Variants in RP1 observed in about 807,000 individuals in gnomAD.
RP1 encodes RP1 axonemal microtubule associated, also known as oxygen-regulated protein 1.
In RP1, 16 loss-of-function variants were observed where a neutral mutation model predicts 14.8. The observed-to-expected ratio is 1.08, with a 90% CI of 0.73 to 1.65. RP1 has a LOEUF of 1.65. Among genes scored for constraint, RP1 ranks in the 40% most tolerant of loss-of-function variants. RP1 has a pLI of 0.00. For missense variants in RP1, 2,631 were observed against 2,535.0 expected, an observed-to-expected ratio of 1.04 and a Z score of -0.81; for synonymous variants, 876 against 883.6, an observed-to-expected ratio of 0.99 and a Z score of 0.15.
Position 54,749,405 on chromosome 8 carries a change from T to C in RP1, c.2809-5398T>C, listed in dbSNP as rs572596393. On this transcript the variant is annotated intron_variant, in intron 19 of 22. Coordinates refer to the RP1 transcript ENST00000636932. ...CAATTGTTGTTGGTTATTAATTGCA[T>C]TTAATCAGGATGTGGAGTGAGGCTA... is the stretch of plus-strand genomic sequence containing the variant. 8.5e-5 allele frequency among the ~76,000 whole-genome samples: 13 copies of C among 152,126 alleles called. 1 individual carries two copies. In the South Asian group the frequency reaches 2.7e-3, roughly 32 times the overall value.
chr8:54,814,458 G>T (rs1811086424), intron 24 of RP1, among the ~76,000 whole-genome samples: 1 of 152,122 alleles, frequency 6.6e-6, no homozygotes, highest in Admixed American at 6.5e-5. Flanking sequence ...TGGTTTTTCT[G>T]TAGAGAACAA....
chr8:54,796,667 T>A (rs1810583157), intron 24 of RP1, among the ~76,000 whole-genome samples: 1 of 152,076 alleles, frequency 6.6e-6, no homozygotes, highest in Non-Finnish European at 1.5e-5. Flanking sequence ...CACCAGGAGC[T>A]AGAAAGAGGC....
At chr8:54,661,616 A>G (rs568509397) in intron 6 of RP1, among the ~76,000 whole-genome samples, 1 of 152,310 alleles carries the variant, frequency 6.6e-6, no homozygotes, top group Admixed American at 6.5e-5. Flanking sequence ...ATATGAAAGA[A>G]TATCAACTGA....
At chr8:54,825,979 GA>G (rs1364108182) in intron 24 of RP1, among the ~76,000 whole-genome samples, 1 of 152,018 alleles carries the variant, frequency 6.6e-6, no homozygotes, top group Non-Finnish European at 1.5e-5. Context: ...GAGGCAGTAG[GA>G]TCACTTGAGC....
intron 26 of RP1, among the ~76,000 whole-genome samples, chr8:54,856,564 C>T (rs1170905438): frequency 6.6e-6 from 1 of 152,186 alleles, no homozygotes; most frequent in Non-Finnish European, 1.5e-5. Context: ...CTTGGCTCCT[C>T]ACACACTAGG....
chr8:54,830,834 C>G (rs1430932185), intron 24 of RP1, among the ~76,000 whole-genome samples: 2 of 152,066 alleles, frequency 1.3e-5, no homozygotes, highest in African/African-American at 2.4e-5. Context: ...AAAAGAAAAA[C>G]TCTGTACACA....
intron 24 of RP1, among the ~76,000 whole-genome samples, chr8:54,823,266 G>A (rs1481097697): frequency 6.6e-6 from 1 of 152,104 alleles, no homozygotes; most frequent in Non-Finnish European, 1.5e-5. Flanking sequence ...TCTCAATAAT[G>A]TTTAGAATGT....
At chr8:54,783,758 T>C in intron 24 of RP1, 1 of 1,133,102 alleles carries the variant, frequency 8.8e-7, no homozygotes, top group Non-Finnish European at 1.1e-6. Flanking sequence ...TATTGTGATA[T>C]ACATCCCCGA....
intron 25 of RP1, among the ~76,000 whole-genome samples, chr8:54,843,882 C>T (rs973252021): frequency 1.4e-4 from 21 of 152,148 alleles, no homozygotes; most frequent in African/African-American, 3.6e-4. Flanking sequence ...GTTACCTAGG[C>T]GCTTTAGAGC....
intron 1 of RP1, among the ~76,000 whole-genome samples, chr8:54,586,856 A>G (rs1804939193): frequency 6.6e-6 from 1 of 152,178 alleles, no homozygotes; most frequent in African/African-American, 2.4e-5. Flanking sequence ...GCGCAGTATT[A>G]AGGTGGGAGT....
intron 20 of RP1, among the ~76,000 whole-genome samples, chr8:54,755,440 T>C (rs373480048): frequency 6.6e-6 from 1 of 152,198 alleles, no homozygotes; most frequent in African/African-American, 2.4e-5. Flanking sequence ...CCATGTATGA[T>C]TAAAAATAAT....
downstream of RP1, among the ~76,000 whole-genome samples, chr8:54,772,893 C>G (rs769483800): frequency 6.6e-6 from 1 of 152,138 alleles, no homozygotes; most frequent in Non-Finnish European, 1.5e-5. Flanking sequence ...AGCCTTGTTT[C>G]AGGTCCAAGT....
At chr8:54,683,831 A>G (rs537989049) in intron 12 of RP1, among the ~76,000 whole-genome samples, 7 of 152,116 alleles carry the variant, frequency 4.6e-5, no homozygotes, top group African/African-American at 1.4e-4. Context: ...ACTTCCAATA[A>G]TATGTTGAAT....
intron 22 of RP1, among the ~76,000 whole-genome samples, chr8:54,761,224 G>A (rs971405084): frequency 1.7e-4 from 25 of 146,188 alleles, no homozygotes; most frequent in Non-Finnish European, 3.1e-4. Flanking sequence ...CATTTCTTGC[G>A]CTACCTTACT....
At chr8:54,867,707 A>G (rs1474121533) in intron 28 of RP1, among the ~76,000 whole-genome samples, 1 of 152,246 alleles carries the variant, frequency 6.6e-6, no homozygotes, top group Non-Finnish European at 1.5e-5. Flanking sequence ...GGGAGAAAAC[A>G]CACCTTTGTT....
intron 28 of RP1, among the ~76,000 whole-genome samples, chr8:54,867,177 T>C (rs1202387237): frequency 4.6e-5 from 7 of 152,152 alleles, no homozygotes; most frequent in Non-Finnish European, 1.0e-4. Context: ...GAGATGCACA[T>C]TGGTTGACTG....
intron 6 of RP1, among the ~76,000 whole-genome samples, chr8:54,658,530 G>C (rs1170367325): frequency 1.7e-5 from 2 of 117,646 alleles, no homozygotes; most frequent in Admixed American, 1.2e-4. Context: ...CAGCCTGGGC[G>C]ACAGAGCGAG....
intron 12 of RP1, chr8:54,697,126 G>C: frequency 1.5e-6 from 2 of 1,352,274 alleles, no homozygotes; most frequent in Non-Finnish European, 2.1e-6. Context: ...AGCTCATCTA[G>C]ACCTAGGTGC....
intron 16 of RP1, among the ~76,000 whole-genome samples, chr8:54,725,606 TAAG>T (rs1808635199): frequency 6.6e-6 from 1 of 152,340 alleles, no homozygotes; most frequent in South Asian, 2.1e-4. Flanking sequence ...ATTGTGGTAT[TAAG>T]AAGTAGTTGT....
Sources: allele counts gnomAD v4.1 joint callset (sites outside exome capture counted in the v4.1 genomes callset), GRCh38; gene constraint gnomAD v4.1.1; transcripts MANE v1.5; gene names NCBI Gene and HGNC (gene_info 2026-07-23, HGNC 2026-07-21).